Variants in NDUFC1 observed in about 807,000 individuals in gnomAD.
The protein encoded by NDUFC1 is NADH:ubiquinone oxidoreductase subunit C1.
NDUFC1 carries 11 observed loss-of-function variants against 11.6 expected under a neutral mutation model. The ratio of observed to expected loss-of-function variants is 0.95; its 90% CI spans 0.60 to 1.58. NDUFC1 has a LOEUF of 1.58. NDUFC1 is among the 40% of genes most tolerant of loss of function. The probability of loss-of-function intolerance (pLI) is 0.00; values close to 1 mark genes in which losing one functional copy is unlikely to be tolerated. For synonymous variants in NDUFC1, 52 were observed against 42.2 expected, an observed-to-expected ratio of 1.23 and a Z score of -0.90; for missense variants, 112 against 93.0, an observed-to-expected ratio of 1.20 and a Z score of -0.84.
At chr4:139,290,225 ATTTAAT>A (rs1389799988) in intron 5 of NDUFC1, 133 bp from the exon 6 acceptor site, 1 of 151,904 alleles carries the variant, frequency 6.6e-6, no homozygotes, top group Non-Finnish European at 1.5e-5. Flanking sequence ...ACCTTATTTT[ATTTAAT>A]TTTAACAAAA....
intron 1 of NDUFC1, among the ~76,000 whole-genome samples, chr4:139,298,177 C>T (rs1186838055): frequency 2.0e-5 from 3 of 152,198 alleles, no homozygotes; most frequent in Non-Finnish European, 2.9e-5. Context: ...CCCTGGCTCA[C>T]GCCTGTAATC....
intron 1 of NDUFC1, chr4:139,302,173 C>T: frequency 3.7e-6 from 1 of 273,698 alleles, no homozygotes; most frequent in Non-Finnish European, 6.9e-6. Flanking sequence ...CGGCAGGAGT[C>T]GCGGCCCGGT....
chr4:139,297,678 G>A (rs1438508015), intron 1 of NDUFC1, among the ~76,000 whole-genome samples: 1 of 152,122 alleles, frequency 6.6e-6, no homozygotes, highest in African/African-American at 2.4e-5. Flanking sequence ...TAAAAAAAGA[G>A]CAAGAATTGA....
intron 4 of NDUFC1, among the ~76,000 whole-genome samples, chr4:139,293,499 C>A (rs776734188): frequency 6.6e-6 from 1 of 152,062 alleles, no homozygotes; most frequent in Non-Finnish European, 1.5e-5. Flanking sequence ...TTAGAGAAAA[C>A]CTTAAATTAA....
intron 5 of NDUFC1, among the ~76,000 whole-genome samples, chr4:139,291,924 C>A (rs550575713): frequency 2.6e-5 from 4 of 151,930 alleles, no homozygotes; most frequent in Admixed American, 2.6e-4. Context: ...GCAAACTCTG[C>A]CTCCCGGGTT....
Position 139,295,963 on chromosome 4 carries a change from A to T in NDUFC1, c.-162-3T>A, listed in dbSNP as rs1305008501. ...GCACCCCGGCCTCAGCCTTCTGTCT[A>T]TACAGTGGAATTAGGAAGAAAATAA... On this transcript the variant is annotated splice_polypyrimidine_tract_variant and splice_region_variant and intron_variant, in intron 2 of 5. Coordinates refer to ENST00000394223, the MANE Select transcript of NDUFC1 (RefSeq NM_001184989.2). The T allele has an allele frequency of 8.3e-6, 5 of 600,932 alleles. No homozygotes were observed. The East Asian group carries it at 1.4e-4, about 17-fold the overall frequency. The allele number at this position is 600,932 out of a possible 1,614,324, so 37.2% of individuals were successfully genotyped here. A position where few individuals can be genotyped will look rare whatever the true frequency, so the allele number is the denominator to read the frequency against.
At position 139,301,702 on chromosome 4, in the gene NDUFC1, A is replaced by G; in HGVS notation, c.-222+714T>C. The G allele has an allele frequency of 2.7e-6, 4 of 1,502,112 alleles. No individual in the cohort carries two copies. The South Asian group carries it at 4.9e-5, about 18-fold the overall frequency. The allele number at this position is 1,502,112 out of a possible 1,614,324, so 93.0% of individuals were successfully genotyped here. A position where few individuals can be genotyped will look rare whatever the true frequency, so the allele number is the denominator to read the frequency against. On this transcript the variant is annotated intron_variant, in intron 1 of 5. Transcript: ENST00000394223. Reference sequence around the variant, plus strand: ...ATATTCAAGGCTGAAGCAGCTACGGAACGGCAGCGGCGGCGGTCGGACAAA... The same window carrying G: ...ATATTCAAGGCTGAAGCAGCTACGGGACGGCAGCGGCGGCGGTCGGACAAA...
At chr4:139,292,294 G>A (rs1745256817) in intron 5 of NDUFC1, among the ~76,000 whole-genome samples, 1 of 151,540 alleles carries the variant, frequency 6.6e-6, no homozygotes, top group African/African-American at 2.4e-5. Context: ...GACCAGCCTG[G>A]CCAACAGGTC....
chr4:139,291,983 C>T (rs1226669518), intron 5 of NDUFC1, among the ~76,000 whole-genome samples: 1 of 151,890 alleles, frequency 6.6e-6, no homozygotes, highest in Admixed American at 6.6e-5. Flanking sequence ...ACTACAGGCG[C>T]CCGCCACAAC....
intron 1 of NDUFC1, chr4:139,302,133 C>A (rs976604178): frequency 5.3e-5 from 18 of 338,702 alleles, no homozygotes; most frequent in Non-Finnish European, 8.0e-5. Flanking sequence ...GGAGAAGAGG[C>A]CCGGCCTTTG....
intron 1 of NDUFC1, chr4:139,301,718 G>A: frequency 1.3e-6 from 2 of 1,524,070 alleles, no homozygotes; most frequent in Non-Finnish European, 1.8e-6. Flanking sequence ...AGCGGCGGCG[G>A]TCGGACAAAC....
At chr4:139,298,316 G>C (rs1173479658) in intron 1 of NDUFC1, among the ~76,000 whole-genome samples, 2 of 151,612 alleles carry the variant, frequency 1.3e-5, no homozygotes, top group South Asian at 4.2e-4. Flanking sequence ...GTGCATGCCT[G>C]TAATTCCAGC....
At chr4:139,294,898 C>T (rs2110769292) in intron 4 of NDUFC1, 145 bp downstream of exon 4, 1 of 562,260 alleles carries the variant, frequency 1.8e-6, no homozygotes, top group Non-Finnish European at 3.2e-6. Flanking sequence ...TGGAAAAATA[C>T]GTATCAGCGA....
intron 3 of NDUFC1, 81 bp downstream of exon 3, chr4:139,295,651 G>A: frequency 2.1e-6 from 3 of 1,439,536 alleles, no homozygotes; most frequent in Non-Finnish European, 2.8e-6. Flanking sequence ...GGCCGCTGCC[G>A]CCTCCTGCAC....
At chr4:139,298,406 C>G (rs971183442) in intron 1 of NDUFC1, among the ~76,000 whole-genome samples, 12 of 144,756 alleles carry the variant, frequency 8.3e-5, no homozygotes, top group Admixed American at 3.6e-4. Flanking sequence ...CCATTGCACT[C>G]TAGCCTGGGC....
At position 139,301,931 on chromosome 4, in the gene NDUFC1, C is replaced by T. The variant is rs569289359; in HGVS notation, c.-222+485G>A. The T allele has an allele frequency of 1.2e-5, 15 of 1,289,770 alleles. 1 individual carries two copies. The highest frequency in any genetic ancestry group is 8.9e-5 in the African/African-American group (6 of 67,260). The allele number at this position is 1,289,770 out of a possible 1,614,324, so 79.9% of individuals were successfully genotyped here. On this transcript the variant is annotated intron_variant, in intron 1 of 5. Transcript: ENST00000394223. ...CGGCGGGCACTGAGCCACTCCCGCCCGGGACCCCGCCTTCATAGCTCTCGT... is the reference window on the plus strand; with the variant it reads ...CGGCGGGCACTGAGCCACTCCCGCCTGGGACCCCGCCTTCATAGCTCTCGT...
At chr4:139,301,289 TGCCTAGCCTCCCGTA>T (rs1306681338) in intron 1 of NDUFC1, 3 of 380,606 alleles carry the variant, frequency 7.9e-6, no homozygotes, top group Non-Finnish European at 1.4e-5. Context: ...GAACCGTACT[TGCCTAGCCTCCCGTA>T]GCTCCGCGGG....
rs1463363007 is a variant in NDUFC1 at position 139,295,776 on chromosome 4, C to T, written c.23G>A (p.Arg8His). MAPSALLRPLSRLLAPAR... is the reference protein window; with the variant it reads MAPSALLHPLSRLLAPAR... ...GGGGGCCAGCAGCCGGGAAAGGGGA[C>T]GCAGCAAGGCGGACGGCGCCATCTT... The change falls in exon 3 of 6, where the codon CGT (arginine) becomes CAT (histidine). Residue 8 changes from arginine to histidine, a missense_variant. Arg to His is a conservative substitution (Grantham distance 29). Transcript: ENST00000394223. 1 of 1,548,574 alleles carries T rather than the reference C, an allele frequency of 6.5e-7. No individual in the cohort carries two copies. Among genetic ancestry groups the T allele is most frequent in the Admixed American group, 2.0e-5 (1 of 48,848 alleles).
In NDUFC1 at chr4:139,295,758, A is replaced by G; in HGVS notation, c.41T>C (p.Leu14Pro). The change falls in exon 3 of 6, where the codon CTG (leucine) becomes CCG (proline). Residue 14 changes from leucine (L) to proline (P), a missense_variant. Transcript: ENST00000394223. Reference protein sequence around the residue: ...SALLRPLSRLLAPARLPSGPS... With the variant: ...SALLRPLSRLPAPARLPSGPS... ...GCCGCTCGGGAGCCTGGCGGGGGCCAGCAGCCGGGAAAGGGGACGCAGCAA... is the reference window on the plus strand; with the variant it reads ...GCCGCTCGGGAGCCTGGCGGGGGCCGGCAGCCGGGAAAGGGGACGCAGCAA... 6.4e-7 allele frequency: 1 copy of G among 1,553,176 alleles called. No individual in the cohort carries two copies.
Sources: gnomAD v4.1 joint callset for allele counts (sites outside exome capture counted in the v4.1 genomes callset) on GRCh38, gnomAD v4.1.1 for gene constraint, MANE v1.5 for transcripts, NCBI Gene and HGNC (gene_info 2026-07-23, HGNC 2026-07-21) for gene names.